Variants in SPMIP1 observed in about 807,000 individuals in gnomAD.
SPMIP1 encodes the protein sperm microtubule inner protein 1.
the SPMIP1 span, chr7:128,868,793 G>A: frequency 6.6e-7 from 1 of 1,504,356 alleles, no homozygotes; most frequent in South Asian, 1.2e-5. Flanking sequence ...CCAGGTGTGG[G>A]CTTAGGGGAG....
the SPMIP1 span, chr7:128,866,938 C>T: frequency 2.7e-6 from 3 of 1,120,998 alleles, no homozygotes; most frequent in African/African-American, 1.6e-5. Context: ...AAGGAGATGG[C>T]CAAGAAGTGT....
chr7:128,867,173 G>C, the SPMIP1 span, among the ~76,000 whole-genome samples: 1 of 152,232 alleles, frequency 6.6e-6, no homozygotes, highest in Admixed American at 6.5e-5. Flanking sequence ...ACCCTGACCT[G>C]TATGTAGGCA....
At chr7:128,866,865 A>G in the SPMIP1 span, 1 of 1,508,918 alleles carries the variant, frequency 6.6e-7, no homozygotes, top group East Asian at 2.5e-5. Context: ...CCTCAAAAAC[A>G]GAGCACTAGC....
the SPMIP1 span, among the ~76,000 whole-genome samples, chr7:128,867,671 A>C: frequency 6.6e-6 from 1 of 152,046 alleles, no homozygotes; most frequent in African/African-American, 2.4e-5. Context: ...TCCCAGGTTC[A>C]AGAGATTCTT....
chr7:128,869,037 G>A, the SPMIP1 span: 2 of 424,482 alleles, frequency 4.7e-6, no homozygotes, highest in Non-Finnish European at 8.4e-6. Flanking sequence ...GGGATCCTCA[G>A]CACCAGGGGA....
At chr7:128,871,715 G>A in the SPMIP1 span, 1 of 152,214 alleles carries the variant, frequency 6.6e-6, no homozygotes, top group Non-Finnish European at 1.5e-5. Flanking sequence ...ATTCCTAACA[G>A]TAACCAAATG....
the SPMIP1 span, among the ~76,000 whole-genome samples, chr7:128,867,104 G>A: frequency 6.6e-4 from 100 of 152,336 alleles, no homozygotes; most frequent in African/African-American, 2.3e-3. Context: ...GTGCAGGGAA[G>A]CTGATGGAGG....
At chr7:128,869,084 G>GA in the SPMIP1 span, 1 of 399,978 alleles carries the variant, frequency 2.5e-6, no homozygotes. Context: ...TGTTCCTGGG[G>GA]AGAGAGCGGC....
At chr7:128,866,972 A>G in the SPMIP1 span, 4 of 856,344 alleles carry the variant, frequency 4.7e-6, no homozygotes, top group African/African-American at 1.7e-5. Flanking sequence ...AGAACTAGGG[A>G]GTGGCGGTGG....
At chr7:128,868,877 C>G in the SPMIP1 span, 19 of 732,252 alleles carry the variant, frequency 2.6e-5, no homozygotes, top group Middle Eastern at 5.6e-4. Context: ...TCTCCCTGTC[C>G]CTGAGGTTGC....
chr7:128,868,039 G>A, the SPMIP1 span, among the ~76,000 whole-genome samples: 3 of 152,214 alleles, frequency 2.0e-5, no homozygotes, highest in Non-Finnish European at 4.4e-5. Flanking sequence ...GCCATCAGCG[G>A]GGAGGGAGCT....
the SPMIP1 span, among the ~76,000 whole-genome samples, chr7:128,867,243 T>C: frequency 0.21 from 32,440 of 152,144 alleles, 7,428 homozygotes; most frequent in African/African-American, 0.56. Context: ...TGTTTGGTTA[T>C]CCTGTGGTAG....
At chr7:128,871,745 C>T in the SPMIP1 span, 4 of 152,294 alleles carry the variant, frequency 2.6e-5, no homozygotes, top group East Asian at 1.9e-4. Context: ...TCTGTGAAAA[C>T]GCATCTTTCA....
chr7:128,868,674 G>A, the SPMIP1 span: 6 of 1,534,640 alleles, frequency 3.9e-6, no homozygotes, highest in Non-Finnish European at 5.2e-6. Flanking sequence ...AGGCCCCCCA[G>A]TGAAGCAAGA....
the SPMIP1 span, chr7:128,866,668 G>C: frequency 6.5e-7 from 1 of 1,535,466 alleles, no homozygotes; most frequent in Non-Finnish European, 8.7e-7. Flanking sequence ...TTTTCAGTCG[G>C]AAATGTACCC....
chr7:128,871,565 C>T, the SPMIP1 span: 1 of 152,212 alleles, frequency 6.6e-6, no homozygotes, highest in Non-Finnish European at 1.5e-5. Context: ...TGTGTTGCCG[C>T]TCCCCTGCAG....
chr7:128,867,847 G>A, the SPMIP1 span, among the ~76,000 whole-genome samples: 1 of 152,224 alleles, frequency 6.6e-6, no homozygotes, highest in Non-Finnish European at 1.5e-5. Flanking sequence ...TGGGATTACA[G>A]GCATGAGCCA....
chr7:128,868,974 A>G, the SPMIP1 span: 1 of 528,950 alleles, frequency 1.9e-6, no homozygotes, highest in Non-Finnish European at 3.4e-6. Flanking sequence ...CCCTTTGAGG[A>G]CTCAGCAATG....
the SPMIP1 span, chr7:128,866,932 A>T: frequency 2.5e-6 from 3 of 1,179,798 alleles, no homozygotes; most frequent in Non-Finnish European, 3.5e-6. Context: ...CAGAGCAAGG[A>T]GATGGCCAAG....
Sources: gnomAD v4.1 joint callset for allele counts (sites outside exome capture counted in the v4.1 genomes callset) on GRCh38, gnomAD v4.1.1 for gene constraint, MANE v1.5 for transcripts, NCBI Gene and HGNC (gene_info 2026-07-23, HGNC 2026-07-21) for gene names.